SNAP29: variants seen among roughly 807,000 people sequenced by gnomAD.
SNAP29 encodes the protein synaptosomal-associated protein 29.
In SNAP29, 13 loss-of-function variants were observed where a neutral mutation model predicts 27.9. The observed-to-expected ratio is 0.47, with a 90% CI of 0.30 to 0.74. The LOEUF (loss-of-function observed/expected upper bound fraction) is 0.74, where lower values mean the gene tolerates loss of function less well. Among genes scored for constraint, SNAP29 ranks in the 30% least tolerant of loss-of-function variants. SNAP29 has a pLI of 0.06. For missense variants in SNAP29, 368 were observed against 336.5 expected (o/e 1.09, Z -0.73); for synonymous variants, 119 against 127.1 (o/e 0.94, Z 0.43).
intron 1 of SNAP29, among the ~76,000 whole-genome samples, chr22:20,860,534 A>AT (rs904625454): frequency 6.6e-6 from 1 of 150,908 alleles, no homozygotes; most frequent in African/African-American, 2.4e-5. Flanking sequence ...CACCCGGCTA[A>AT]TTTTTTTTGT....
intron 1 of SNAP29, among the ~76,000 whole-genome samples, chr22:20,861,057 G>A (rs749924100): frequency 6.6e-6 from 1 of 151,434 alleles, no homozygotes; most frequent in Non-Finnish European, 1.5e-5. Context: ...TGTTTTCTTG[G>A]GTTAATTCCC....
chr22:20,868,495 T>G (rs553761685), intron 1 of SNAP29, among the ~76,000 whole-genome samples: 21 of 152,256 alleles, frequency 1.4e-4, no homozygotes, highest in Non-Finnish European at 1.9e-4. Flanking sequence ...ACACATTGAT[T>G]CCTTAAGGAC....
intron 1 of SNAP29, among the ~76,000 whole-genome samples, chr22:20,864,000 C>G (rs1012097175): frequency 6.6e-6 from 1 of 152,170 alleles, no homozygotes; most frequent in Admixed American, 6.5e-5. Flanking sequence ...ATTTATGCAG[C>G]CTGTCCCCTA....
intron 4 of SNAP29, 103 bp from the exon 5 acceptor site, chr22:20,887,576 C>G: frequency 8.0e-7 from 1 of 1,252,000 alleles, no homozygotes; most frequent in Non-Finnish European, 1.2e-6. Context: ...TCCCCCCAGG[C>G]AACACAGATC....
intron 1 of SNAP29, among the ~76,000 whole-genome samples, chr22:20,863,932 T>C (rs1297467557): frequency 1.3e-5 from 2 of 152,120 alleles, no homozygotes; most frequent in Admixed American, 1.3e-4. Flanking sequence ...CACACTAGTA[T>C]GTAATGAGCT....
chr22:20,887,319 T>C (rs1929040888), intron 4 of SNAP29, among the ~76,000 whole-genome samples: 1 of 152,124 alleles, frequency 6.6e-6, no homozygotes, highest in Non-Finnish European at 1.5e-5. Flanking sequence ...TAGTGTTTTA[T>C]ATTTAATCTT....
Position 20,875,858 on chromosome 22 carries a change from CAA to C in SNAP29, c.435-5181_435-5180del, listed in dbSNP as rs890643296. Among the ~76,000 whole-genome samples, 275 of 143,352 alleles carry C rather than the reference CAA, an allele frequency of 1.9e-3. 1 individual carries two copies. The highest frequency in any genetic ancestry group is 7.0e-3 in the African/African-American group (274 of 39,290). The allele number at this position is 143,352 out of a possible 152,430, so 94.0% of individuals were successfully genotyped here. A position where few individuals can be genotyped will look rare whatever the true frequency, so the allele number is the denominator to read the frequency against. ...CTGTAGTCATATTTACATGGACGAC[CAA>C]AAAAAAAAATGGGGGGGCGGCTGGG... On this transcript the variant is annotated intron_variant, in intron 2 of 4. Coordinates refer to ENST00000215730, the MANE Select transcript of SNAP29 (RefSeq NM_004782.4).
At chr22:20,886,932 A>C (rs1256044594) in intron 4 of SNAP29, among the ~76,000 whole-genome samples, 1 of 152,000 alleles carries the variant, frequency 6.6e-6, no homozygotes, top group Non-Finnish European at 1.5e-5. Context: ...TTTTTAAAAA[A>C]ACTGATTTTG....
rs1929119470 is a variant in SNAP29, at chr22:20,890,321, G to A, written c.*2485G>A. The A allele has an allele frequency of 5.0e-6, 2 of 398,602 alleles. No individual in the cohort carries two copies. Among genetic ancestry groups the A allele is most frequent in the East Asian group, 3.6e-5 (1 of 28,076 alleles). The allele number at this position is 398,602 out of a possible 1,614,324, so 24.7% of individuals were successfully genotyped here. A position where few individuals can be genotyped will look rare whatever the true frequency, so the allele number is the denominator to read the frequency against. Reference sequence around the variant, plus strand: ...ACATTTCATGGAGACAAGCAAAATGGTGCCAGGGCTGGGCTGACTGTGGGA... The same window carrying A: ...ACATTTCATGGAGACAAGCAAAATGATGCCAGGGCTGGGCTGACTGTGGGA... On this transcript the variant is annotated 3_prime_UTR_variant, in exon 5 of 5. Coordinates refer to ENST00000215730, the MANE Select transcript of SNAP29 (RefSeq NM_004782.4).
intron 3 of SNAP29, among the ~76,000 whole-genome samples, chr22:20,881,850 C>T (rs548638504): frequency 2.4e-3 from 358 of 152,274 alleles, no homozygotes; most frequent in Non-Finnish European, 4.2e-3. Context: ...AATCCCCAGA[C>T]CCCGTGAGTG....
chr22:20,881,943 G>A (rs1928901191), intron 3 of SNAP29, among the ~76,000 whole-genome samples: 1 of 152,096 alleles, frequency 6.6e-6, no homozygotes, highest in South Asian at 2.1e-4. Flanking sequence ...GATTATCCTG[G>A]GTTGTCCAGT....
intron 1 of SNAP29, 86 bp from the exon 2 acceptor site, chr22:20,870,251 A>T (rs1436659192): frequency 2.5e-6 from 3 of 1,215,256 alleles, no homozygotes; most frequent in Non-Finnish European, 3.7e-6. Flanking sequence ...CTGAGAGTTT[A>T]TGAAGGGGCT....
chr22:20,878,834 A>C (rs1037082586), intron 2 of SNAP29, among the ~76,000 whole-genome samples: 1 of 152,070 alleles, frequency 6.6e-6, no homozygotes, highest in African/African-American at 2.4e-5. Flanking sequence ...GCTCAGCAGG[A>C]TGTCGGGGAT....
At chr22:20,875,937 G>A (rs1373526572) in intron 2 of SNAP29, among the ~76,000 whole-genome samples, 3 of 151,880 alleles carry the variant, frequency 2.0e-5, no homozygotes, top group Non-Finnish European at 4.4e-5. Flanking sequence ...TAAGGTGGGC[G>A]GATCACGAGG....
At chr22:20,874,562 G>A (rs1254739482) in intron 2 of SNAP29, among the ~76,000 whole-genome samples, 1 of 145,968 alleles carries the variant, frequency 6.9e-6, no homozygotes, top group African/African-American at 2.6e-5. Context: ...GTGACAGAGT[G>A]AGACCCTATC....
chr22:20,867,355 C>T (rs570928064), intron 1 of SNAP29, among the ~76,000 whole-genome samples: 22 of 151,910 alleles, frequency 1.4e-4, no homozygotes, highest in African/African-American at 5.1e-4. Context: ...GGACCTGCCT[C>T]GGTACCTGGA....
chr22:20,890,502 A>G lies in SNAP29; in HGVS notation c.*2666A>G, dbSNP rs1929123408. On this transcript the variant is annotated 3_prime_UTR_variant, in exon 5 of 5. Transcript: ENST00000215730. ...GCTGGGCGCGGTGGCTCATGCCTGT[A>G]ATCCCAGTGCTTTGGGAGGCCAAGG... 2.6e-6 allele frequency: 1 copy of G among 391,314 alleles called. No homozygotes were observed. Among genetic ancestry groups the G allele is most frequent in the Non-Finnish European group, 4.5e-6 (1 of 221,874 alleles). The allele number at this position is 391,314 out of a possible 1,614,324, so 24.2% of individuals were successfully genotyped here.
chr22:20,874,567 C>A (rs1167512475), intron 2 of SNAP29, among the ~76,000 whole-genome samples: 2 of 144,836 alleles, frequency 1.4e-5, no homozygotes, highest in Non-Finnish European at 3.0e-5. Flanking sequence ...AGAGTGAGAC[C>A]CTATCTCAAA....
chr22:20,874,349 C>CACA (rs1928681469), intron 2 of SNAP29, among the ~76,000 whole-genome samples: 1 of 123,496 alleles, frequency 8.1e-6, no homozygotes, highest in Non-Finnish European at 1.8e-5. Context: ...CGAAAATTAG[C>CACA]CACACACACA....
Sources: gnomAD v4.1 joint callset for allele counts (sites outside exome capture counted in the v4.1 genomes callset) on GRCh38, gnomAD v4.1.1 for gene constraint, MANE v1.5 for transcripts, NCBI Gene and HGNC (gene_info 2026-07-23, HGNC 2026-07-21) for gene names.